CDH13: variants seen among roughly 807,000 people sequenced by gnomAD.
CDH13 encodes the protein cadherin-13.
CDH13 carries 24 observed loss-of-function variants against 63.8 expected under a neutral mutation model. The ratio of observed to expected loss-of-function variants is 0.38; its 90% CI spans 0.27 to 0.53. CDH13 has a LOEUF of 0.53. CDH13 is among the 20% of genes least tolerant of loss of function. CDH13 has a pLI of 0.85. For synonymous variants in CDH13, 503 were observed against 355.3 expected, an observed-to-expected ratio of 1.42 and a Z score of -4.67; for missense variants, 1,049 against 903.1, an observed-to-expected ratio of 1.16 and a Z score of -2.07.
intron 3 of CDH13, among the ~76,000 whole-genome samples, chr16:83,048,194 T>A (rs1917975873): frequency 6.6e-6 from 1 of 152,164 alleles, no homozygotes; most frequent in African/African-American, 2.4e-5. Context: ...TGAACACAAG[T>A]TGGTTACTTT....
At chr16:83,583,460 A>G (rs1905829792) in intron 7 of CDH13, among the ~76,000 whole-genome samples, 1 of 152,166 alleles carries the variant, frequency 6.6e-6, no homozygotes, top group South Asian at 2.1e-4. Flanking sequence ...TTGCACATCT[A>G]TTCTGTAGTT....
intron 1 of CDH13, among the ~76,000 whole-genome samples, chr16:82,651,641 G>A (rs759811847): frequency 1.3e-5 from 2 of 152,230 alleles, no homozygotes; most frequent in Non-Finnish European, 2.9e-5. Context: ...TTACAGTGAG[G>A]AGACTGAGGC....
At chr16:83,055,011 T>C (rs904109967) in intron 3 of CDH13, among the ~76,000 whole-genome samples, 3 of 152,056 alleles carry the variant, frequency 2.0e-5, no homozygotes, top group Non-Finnish European at 2.9e-5. Flanking sequence ...ATTTTAAATT[T>C]AAAACAGAAA....
intron 6 of CDH13, among the ~76,000 whole-genome samples, chr16:83,443,568 C>G (rs932836720): frequency 1.3e-5 from 2 of 151,832 alleles, no homozygotes; most frequent in Non-Finnish European, 2.9e-5. Flanking sequence ...GCACTCTAGT[C>G]TTCCTAAAGG....
chr16:83,002,934 T>C (rs1487009410), intron 2 of CDH13, among the ~76,000 whole-genome samples: 1 of 152,232 alleles, frequency 6.6e-6, no homozygotes, highest in African/African-American at 2.4e-5. Flanking sequence ...ACTTATCTAT[T>C]GAGCATGTAC....
At chr16:83,098,427 T>A (rs1379295365) in intron 3 of CDH13, among the ~76,000 whole-genome samples, 1 of 152,198 alleles carries the variant, frequency 6.6e-6, no homozygotes, top group South Asian at 2.1e-4. Flanking sequence ...TTTTTCCACA[T>A]ATACACCACT....
At chr16:83,540,354 C>T (rs552694934) in intron 7 of CDH13, among the ~76,000 whole-genome samples, 5 of 152,288 alleles carry the variant, frequency 3.3e-5, no homozygotes, top group Middle Eastern at 3.4e-3. Context: ...CAGTCACCCC[C>T]GATGCGCAGT....
chr16:82,769,900 A>G (rs1048799166), intron 1 of CDH13, among the ~76,000 whole-genome samples: 6 of 152,258 alleles, frequency 3.9e-5, no homozygotes, highest in African/African-American at 9.6e-5. Context: ...TTTGATTTCA[A>G]TGGTGAGATT....
At chr16:83,265,109 A>G (rs899302296) in intron 5 of CDH13, among the ~76,000 whole-genome samples, 1 of 152,176 alleles carries the variant, frequency 6.6e-6, no homozygotes, top group Non-Finnish European at 1.5e-5. Flanking sequence ...AATGTCTTTA[A>G]ATGTCTCAAG....
At chr16:83,197,427 A>C (rs563126620) in intron 4 of CDH13, among the ~76,000 whole-genome samples, 1 of 152,306 alleles carries the variant, frequency 6.6e-6, no homozygotes, top group African/African-American at 2.4e-5. Flanking sequence ...TTAAATGTAC[A>C]ATTGAATTAT....
At chr16:82,838,155 T>G (rs1212895179) in intron 1 of CDH13, among the ~76,000 whole-genome samples, 1 of 152,328 alleles carries the variant, frequency 6.6e-6, no homozygotes, top group East Asian at 1.9e-4. Context: ...CATGACCAAG[T>G]CCTCACCCTT....
chr16:83,039,440 C>A (rs1387672127), intron 3 of CDH13, among the ~76,000 whole-genome samples: 1 of 152,208 alleles, frequency 6.6e-6, no homozygotes, highest in Admixed American at 6.5e-5. Context: ...TTGTCCCCAT[C>A]CCAAGAAAGG....
At chr16:83,286,739 A>G (rs1037150403) in intron 5 of CDH13, among the ~76,000 whole-genome samples, 1 of 143,972 alleles carries the variant, frequency 6.9e-6, no homozygotes, top group Non-Finnish European at 1.5e-5. Flanking sequence ...CTGGGCAACA[A>G]AGTGCGACTC....
At chr16:83,508,071 G>GGAAGGAAA (rs2074449264) in intron 7 of CDH13, among the ~76,000 whole-genome samples, 1 of 68,690 alleles carries the variant, frequency 1.5e-5, no homozygotes, top group Admixed American at 1.6e-4. Flanking sequence ...AAGGAAGGAA[G>GGAAGGAAA]GAAGGAAGGA....
chr16:82,938,259 A>C (rs530001912), intron 2 of CDH13, among the ~76,000 whole-genome samples: 44 of 152,340 alleles, frequency 2.9e-4, no homozygotes, highest in African/African-American at 1.0e-3. Context: ...ATCTTACCTC[A>C]GTAAAGACAT....
chr16:83,668,530 G>C (rs1019447189), intron 8 of CDH13, among the ~76,000 whole-genome samples: 14 of 152,210 alleles, frequency 9.2e-5, no homozygotes, highest in African/African-American at 3.4e-4. Context: ...CTAAGGTACA[G>C]GTGTCAGAAG....
intron 4 of CDH13, among the ~76,000 whole-genome samples, chr16:83,175,429 C>G (rs1342502224): frequency 2.0e-5 from 3 of 152,070 alleles, no homozygotes; most frequent in African/African-American, 7.2e-5. Flanking sequence ...GTTTCTTTTT[C>G]TAATGAGCCA....
chr16:82,714,712 TAAAAAAAAAAAAAAAA>T (rs71146088), intron 1 of CDH13, among the ~76,000 whole-genome samples: 4 of 29,986 alleles, frequency 1.3e-4, no homozygotes, highest in South Asian at 2.2e-3. Context: ...AGACTCCATC[TAAAAAAAAAAAAAAAA>T]AAAAAAAAAA....
Position 83,093,294 on chromosome 16 carries a change from C to CTTTTTTTT in CDH13, c.367-32060_367-32053dup, listed in dbSNP as rs549590536. Among the ~76,000 whole-genome samples the CTTTTTTTT allele has an allele frequency of 9.1e-4, 32 of 35,326 alleles. 8 individuals carry two copies. The highest frequency in any genetic ancestry group is 1.2e-3 in the East Asian group (1 of 818). 23.2% of individuals were successfully genotyped at this position (35,326 alleles called of 152,430 possible). On this transcript the variant is annotated intron_variant, in intron 3 of 13. Coordinates refer to ENST00000567109, the MANE Select transcript of CDH13 (RefSeq NM_001257.5). ...TTGTCCTGTGGAAACACCATAAGTA[C>CTTTTTTTT]TTTTTTTTTTTTTTTTTTTTTTTTT...
Sources: gnomAD v4.1 joint callset for allele counts (sites outside exome capture counted in the v4.1 genomes callset) on GRCh38, gnomAD v4.1.1 for gene constraint, MANE v1.5 for transcripts, NCBI Gene and HGNC (gene_info 2026-07-23, HGNC 2026-07-21) for gene names.